The following CCSER1 variants were observed in gnomAD, a reference collection of about 807,000 sequenced individuals.
CCSER1 encodes serine-rich coiled-coil domain-containing protein 1.
CCSER1 carries 41 observed loss-of-function variants against 82.0 expected under a neutral mutation model. That is an observed-to-expected ratio of 0.50 (90% CI 0.39 to 0.65). CCSER1 has a LOEUF of 0.65. Among genes scored for constraint, CCSER1 ranks in the 30% least tolerant of loss-of-function variants. CCSER1 has a pLI of 0.00. For synonymous variants in CCSER1, 414 were observed against 383.9 expected (o/e 1.08, Z -0.92); for missense variants, 1,119 against 1,064.2 (o/e 1.05, Z -0.72).
intron 9 of CCSER1, among the ~76,000 whole-genome samples, chr4:90,945,562 A>G (rs1328406215): frequency 6.6e-6 from 1 of 152,218 alleles, no homozygotes; most frequent in African/African-American, 2.4e-5. Flanking sequence ...AAAACACATA[A>G]GAAAACCCGA....
intron 10 of CCSER1, among the ~76,000 whole-genome samples, chr4:91,525,830 C>T (rs1430649422): frequency 6.6e-6 from 1 of 152,190 alleles, no homozygotes; most frequent in East Asian, 1.9e-4. Context: ...AAGCCCCACC[C>T]TGCCAACCAC....
intron 9 of CCSER1, among the ~76,000 whole-genome samples, chr4:91,032,112 T>A (rs1741033782): frequency 1.3e-5 from 2 of 152,030 alleles, no homozygotes; most frequent in South Asian, 4.1e-4. Context: ...AAAACAAAAA[T>A]GTGCTTTTTT....
chr4:90,773,939 A>G (rs1752566943), intron 7 of CCSER1, among the ~76,000 whole-genome samples: 1 of 152,196 alleles, frequency 6.6e-6, no homozygotes, highest in Non-Finnish European at 1.5e-5. Context: ...AAATGCAATG[A>G]CATTCATTTT....
intron 10 of CCSER1, among the ~76,000 whole-genome samples, chr4:91,401,914 C>A (rs954488982): frequency 6.6e-6 from 1 of 152,136 alleles, no homozygotes; most frequent in Non-Finnish European, 1.5e-5. Context: ...GGTATATACC[C>A]AGTAATGGGA....
intron 10 of CCSER1, among the ~76,000 whole-genome samples, chr4:91,277,355 T>G (rs925888402): frequency 2.0e-5 from 3 of 152,050 alleles, no homozygotes; most frequent in African/African-American, 7.2e-5. Context: ...TGCTTCAATC[T>G]TATTATGTGT....
At chr4:91,438,769 T>C (rs1754877697) in intron 10 of CCSER1, among the ~76,000 whole-genome samples, 1 of 151,924 alleles carries the variant, frequency 6.6e-6, no homozygotes, top group South Asian at 2.1e-4. Flanking sequence ...GAATAACCAA[T>C]ACAGAGAAGT....
chr4:91,544,416 T>C (rs562447719), intron 10 of CCSER1, among the ~76,000 whole-genome samples: 1 of 152,342 alleles, frequency 6.6e-6, no homozygotes, highest in African/African-American at 2.4e-5. Context: ...GCTTTTCTGC[T>C]CTGGTTTCTC....
chr4:90,837,256 A>G (rs1580710655), intron 8 of CCSER1, among the ~76,000 whole-genome samples: 1 of 152,142 alleles, frequency 6.6e-6, no homozygotes, highest in East Asian at 1.9e-4. Context: ...ATATCTTTTT[A>G]ACAAAGTTAA....
intron 10 of CCSER1, among the ~76,000 whole-genome samples, chr4:91,583,721 T>C (rs1019771276): frequency 6.6e-6 from 1 of 151,530 alleles, no homozygotes; most frequent in East Asian, 1.9e-4. Context: ...TGCATGTTTT[T>C]ATATAAGAAC....
At chr4:90,654,915 T>C (rs1729440249) in intron 6 of CCSER1, among the ~76,000 whole-genome samples, 1 of 152,076 alleles carries the variant, frequency 6.6e-6, no homozygotes, top group Admixed American at 6.6e-5. Context: ...TTGATTATTG[T>C]CATCAGAAAT....
At chr4:90,649,201 A>G (rs935207067) in intron 6 of CCSER1, among the ~76,000 whole-genome samples, 2 of 152,194 alleles carry the variant, frequency 1.3e-5, no homozygotes, top group African/African-American at 4.8e-5. Context: ...GTTTATTGGG[A>G]GAAATGAAGA....
chr4:90,433,547 CATG>C (rs1466707195), intron 4 of CCSER1, among the ~76,000 whole-genome samples: 1 of 152,054 alleles, frequency 6.6e-6, no homozygotes, highest in Non-Finnish European at 1.5e-5. Context: ...TTGTCTTTAG[CATG>C]ATAATGACAG....
In CCSER1 at chr4:90,258,281, G is replaced by A. The variant is rs370122879; in HGVS notation, c.-41-49963G>A. Reference sequence around the variant, plus strand: ...TGTAATCCCAGCACTTTGGGAGGCCGCGGCAGGTGGATCATGAGGTCAAGA... The same window carrying A: ...TGTAATCCCAGCACTTTGGGAGGCCACGGCAGGTGGATCATGAGGTCAAGA... On this transcript the variant is annotated intron_variant, in intron 1 of 10. Coordinates refer to ENST00000509176, the MANE Select transcript of CCSER1 (RefSeq NM_001145065.2). Among the ~76,000 whole-genome samples, 8 of 152,168 alleles carry A rather than the reference G, an allele frequency of 5.3e-5. No homozygotes were observed. The East Asian group carries it at 5.8e-4, about 11-fold the overall frequency.
chr4:91,361,193 C>G (rs187291092), intron 10 of CCSER1, among the ~76,000 whole-genome samples: 1 of 151,758 alleles, frequency 6.6e-6, no homozygotes, highest in Admixed American at 6.6e-5. Flanking sequence ...TATTCTTGGT[C>G]ATTAATTTCA....
chr4:90,592,708 TC>T (rs2148701705), intron 5 of CCSER1, among the ~76,000 whole-genome samples: 1 of 152,284 alleles, frequency 6.6e-6, no homozygotes, highest in South Asian at 2.1e-4. Context: ...TTCTTTTTTT[TC>T]ATCTATTGAA....
At chr4:90,818,804 G>T (rs948657932) in intron 8 of CCSER1, among the ~76,000 whole-genome samples, 1 of 151,960 alleles carries the variant, frequency 6.6e-6, no homozygotes, top group East Asian at 1.9e-4. Flanking sequence ...CTGCTACAGG[G>T]ATATTAGATT....
intron 9 of CCSER1, among the ~76,000 whole-genome samples, chr4:91,006,488 T>A (rs553630037): frequency 1.7e-4 from 26 of 149,012 alleles, no homozygotes; most frequent in Non-Finnish European, 2.6e-4. Context: ...TTATTTCTTT[T>A]TTTCTTTTTT....
intron 10 of CCSER1, among the ~76,000 whole-genome samples, chr4:91,148,670 T>C (rs1729797467): frequency 6.6e-6 from 1 of 152,092 alleles, no homozygotes; most frequent in South Asian, 2.1e-4. Context: ...GTGTGTGATG[T>C]TCCGCATCCT....
At chr4:90,553,743 C>T (rs780479687) in intron 5 of CCSER1, among the ~76,000 whole-genome samples, 3 of 152,148 alleles carry the variant, frequency 2.0e-5, no homozygotes, top group African/African-American at 7.2e-5. Flanking sequence ...TAATTGAATA[C>T]TCTATTAAAG....
Sources: allele counts gnomAD v4.1 joint callset (sites outside exome capture counted in the v4.1 genomes callset), GRCh38; gene constraint gnomAD v4.1.1; transcripts MANE v1.5; gene names NCBI Gene and HGNC (gene_info 2026-07-23, HGNC 2026-07-21).